GTF3C2: variants seen among roughly 807,000 people sequenced by gnomAD.
GTF3C2 encodes general transcription factor 3C polypeptide 2.
Under a neutral mutation model 117.4 loss-of-function variants are expected in GTF3C2, and 17 were observed. The observed-to-expected ratio is 0.14, with a 90% confidence interval of 0.10 to 0.22. The LOEUF (loss-of-function observed/expected upper bound fraction) is 0.22. Among genes scored for constraint, GTF3C2 ranks in the 10% least tolerant of loss-of-function variants. The probability of loss-of-function intolerance (pLI) is 1.00; values close to 1 mark genes in which losing one functional copy is unlikely to be tolerated. For synonymous variants in GTF3C2, 437 were observed against 427.0 expected (o/e 1.02, Z -0.29); for missense variants, 888 against 1,143.6 (o/e 0.78, Z 3.22).
At chr2:27,326,622 G>A (rs1439378806) in exon 19 of GTF3C2, 2 of 1,332,390 alleles carry the variant, frequency 1.5e-6, no homozygotes, top group Admixed American at 1.8e-5. Flanking sequence ...TCTGTGCATA[G>A]GGGCCATTTG....
intron 10 of GTF3C2, chr2:27,335,394 T>A: frequency 1.4e-6 from 1 of 701,576 alleles, no homozygotes; most frequent in Non-Finnish European, 2.7e-6. Flanking sequence ...TAAAAGGAAA[T>A]GTGCTGAAAG....
intron 1 of GTF3C2, among the ~76,000 whole-genome samples, chr2:27,346,016 CTTTTTT>C (rs70953853): frequency 4.1e-5 from 4 of 97,890 alleles, no homozygotes; most frequent in East Asian, 2.6e-4. Context: ...TGCCCCGCCA[CTTTTTT>C]TTTTTTTTTT....
chr2:27,355,982 AT>A (rs1681359889), intron 1 of GTF3C2: 5 of 642,838 alleles, frequency 7.8e-6, no homozygotes, highest in South Asian at 7.4e-5. Context: ...AAAGAGAACT[AT>A]TCAGAAAACA....
intron 1 of GTF3C2, among the ~76,000 whole-genome samples, chr2:27,348,394 C>G (rs1438781145): frequency 6.8e-6 from 1 of 147,896 alleles, no homozygotes; most frequent in Non-Finnish European, 1.5e-5. Flanking sequence ...GAGCAGAGAT[C>G]GCGTTCCTGC....
At position 27,342,844 on chromosome 2, in the gene GTF3C2, C is replaced by T. The variant is rs760814868; in HGVS notation, c.551G>A (p.Arg184His). 2 of 1,613,500 alleles carry T rather than the reference C, an allele frequency of 1.2e-6. No individual in the cohort carries two copies. The highest frequency in any genetic ancestry group is 8.5e-7 in the Non-Finnish European group (1 of 1,179,654). The change falls in exon 3 of 19, where the codon CGC (arginine) becomes CAC (histidine). Residue 184 changes from arginine (R) to histidine (H), a missense_variant. Around this residue, in one of 7 missense-constraint regions of GTF3C2, gnomAD observed 393 missense variants for 401.5 expected, o/e 0.98. Coordinates refer to ENST00000264720, the Ensembl canonical transcript of GTF3C2. ...TCCTTACACTTGGGCAGCCCTTCGG[C>T]GGGGTCGTTCCCCAGAAGGGGTCTC...
At position 27,337,563 on chromosome 2, in the gene GTF3C2, AG is replaced by A. The variant is rs1324806624; in HGVS notation, c.951-6del. The A allele has an allele frequency of 1.3e-6, 2 of 1,587,744 alleles. No homozygotes were observed. Among genetic ancestry groups the A allele is most frequent in the Non-Finnish European group, 1.7e-6 (2 of 1,156,146 alleles). On this transcript the variant is annotated splice_polypyrimidine_tract_variant and splice_region_variant and intron_variant, in intron 5 of 18. Coordinates refer to ENST00000264720, the Ensembl canonical transcript of GTF3C2. ...TATGAATGTTTCTGCTCTCGGCTGG[AG>A]AAACAGAAGAAGCATTAATGAAGGA...
At chr2:27,341,789 C>T in intron 4 of GTF3C2, 159 bp downstream of exon 4, 1 of 617,318 alleles carries the variant, frequency 1.6e-6, no homozygotes, top group Non-Finnish European at 2.9e-6. Context: ...TCTGCGCTCT[C>T]CCTAATATGC....
intron 4 of GTF3C2, chr2:27,339,515 T>G (rs79357386): frequency 6.6e-6 from 1 of 152,088 alleles, no homozygotes; most frequent in East Asian, 1.9e-4. Context: ...ATTTGTTGCA[T>G]TGATTTTTTT....
chr2:27,356,091 T>C (rs949346642), intron 1 of GTF3C2: 8 of 1,288,894 alleles, frequency 6.2e-6, no homozygotes, highest in East Asian at 5.6e-5. Context: ...CCATACCCTA[T>C]ACATCCCTCC....
chr2:27,346,473 G>A (rs146863580), intron 1 of GTF3C2, among the ~76,000 whole-genome samples: 1,856 of 139,990 alleles, frequency 0.013, 51 homozygotes, highest in African/African-American at 0.047. Flanking sequence ...CACCTCAGCC[G>A]CCTGAGTAGT....
At position 27,346,330 on chromosome 2, in the gene GTF3C2, CTTTTTTTTTTTTTTTTTTTTT is replaced by C. The variant is rs144256545; in HGVS notation, c.-24-2773_-24-2753del. ...TTAGCCACCGTGCCCATTCTGATACCTTTTTTTTTTTTTTTTTTTTTTTTTTTTTTTTTTTTTTTGAGACAG... is the reference window on the plus strand; with the variant it reads ...TTAGCCACCGTGCCCATTCTGATACCTTTTTTTTTTTTTTTTTTGAGACAG... On this transcript the variant is annotated intron_variant, in intron 1 of 18. Transcript: ENST00000264720. Among the ~76,000 whole-genome samples the C allele has an allele frequency of 2.5e-3, 158 of 64,356 alleles. 1 individual carries two copies. Among genetic ancestry groups the C allele is most frequent in the Middle Eastern group, 0.012 (1 of 84 alleles). The allele number at this position is 64,356 out of a possible 152,430, so 42.2% of individuals were successfully genotyped here.
At chr2:27,340,119 A>C (rs1383575868) in intron 4 of GTF3C2, 1 of 152,036 alleles carries the variant, frequency 6.6e-6, no homozygotes, top group African/African-American at 2.4e-5. Context: ...TTTAAGCTGG[A>C]AACTGCTATT....
Position 27,337,564 on chromosome 2 carries a change from G to T in GTF3C2, c.951-6C>A. 1 of 1,587,296 alleles carries T rather than the reference G, an allele frequency of 6.3e-7. No individual in the cohort carries two copies. The highest frequency in any genetic ancestry group is 8.7e-7 in the Non-Finnish European group (1 of 1,155,672). ...ATGAATGTTTCTGCTCTCGGCTGGA[G>T]AAACAGAAGAAGCATTAATGAAGGA... On this transcript the variant is annotated splice_polypyrimidine_tract_variant and splice_region_variant and intron_variant, in intron 5 of 18. Coordinates refer to ENST00000264720, the Ensembl canonical transcript of GTF3C2.
chr2:27,355,665 C>T (rs1681344920), intron 1 of GTF3C2, among the ~76,000 whole-genome samples: 2 of 152,128 alleles, frequency 1.3e-5, no homozygotes, highest in Admixed American at 6.6e-5. Context: ...TGTCTGGTTC[C>T]CATGCTGCTC....
At chr2:27,336,453 G>A (rs1427319905) in intron 7 of GTF3C2, 28 bp from the exon 8 acceptor site, 2 of 1,369,470 alleles carry the variant, frequency 1.5e-6, no homozygotes, top group Non-Finnish European at 2.1e-6. Context: ...ATGGGATGAA[G>A]AAAGGAATTA....
chr2:27,326,430 G>A (rs1680073962), exon 19 of GTF3C2: 1 of 579,366 alleles, frequency 1.7e-6, no homozygotes, highest in Non-Finnish European at 3.1e-6. Flanking sequence ...TGTTTCTCAT[G>A]AGCCATAGTC....
exon 19 of GTF3C2, chr2:27,326,613 C>G (rs1274037422): frequency 4.0e-6 from 5 of 1,249,388 alleles, no homozygotes; most frequent in South Asian, 3.7e-5. Context: ...TCCTATGGCT[C>G]TGTGCATAGG....
chr2:27,350,052 T>C (rs1407193270), intron 1 of GTF3C2, among the ~76,000 whole-genome samples: 1 of 152,184 alleles, frequency 6.6e-6, no homozygotes, highest in Non-Finnish European at 1.5e-5. Flanking sequence ...AAAATGTTCA[T>C]GACACAGAAC....
At chr2:27,328,529 G>C (rs2148244007) in exon 16 of GTF3C2, 1 of 1,609,658 alleles carries the variant, frequency 6.2e-7, no homozygotes, top group South Asian at 1.1e-5. Context: ...TGGTAATATA[G>C]CAGCAATGAG....
Sources: allele counts gnomAD v4.1 joint callset (sites outside exome capture counted in the v4.1 genomes callset), GRCh38; gene constraint gnomAD v4.1.1; regional missense constraint gnomAD v4.1.1; transcripts MANE v1.5; gene names NCBI Gene and HGNC (gene_info 2026-07-23, HGNC 2026-07-21).